The following THADA variants were observed in gnomAD, a reference collection of about 807,000 sequenced individuals.
THADA encodes THADA armadillo repeat containing, also known as tRNA (32-2'-O)-methyltransferase regulator THADA.
Under a neutral mutation model 219.8 loss-of-function variants are expected in THADA, and 213 were observed. That is an observed-to-expected ratio of 0.97 (90% CI 0.87 to 1.09). The LOEUF (loss-of-function observed/expected upper bound fraction) is 1.09, where lower values mean the gene tolerates loss of function less well. Among genes scored for constraint, THADA ranks in the 50% least tolerant of loss-of-function variants. The probability of loss-of-function intolerance (pLI) is 0.00; values close to 1 mark genes in which losing one functional copy is unlikely to be tolerated. For synonymous variants in THADA, 1,018 were observed against 828.9 expected, an observed-to-expected ratio of 1.23 and a Z score of -3.92; for missense variants, 2,956 against 2,311.3, an observed-to-expected ratio of 1.28 and a Z score of -5.72.
chr2:43,260,468 C>T (rs987947812), intron 36 of THADA, among the ~76,000 whole-genome samples: 1 of 152,020 alleles, frequency 6.6e-6, no homozygotes, highest in Non-Finnish European at 1.5e-5. Flanking sequence ...AACTTAATTG[C>T]CTAATATATT....
intron 28 of THADA, 30 bp from the exon 29 acceptor site, chr2:43,398,169 C>A: frequency 1.2e-6 from 2 of 1,604,128 alleles, no homozygotes; most frequent in South Asian, 1.1e-5. Flanking sequence ...CAAGACCATT[C>A]AATAGTCATC....
At chr2:43,432,154 C>A (rs57125350) in intron 26 of THADA, among the ~76,000 whole-genome samples, 1 of 108,622 alleles carries the variant, frequency 9.2e-6, no homozygotes, top group African/African-American at 5.3e-5. Context: ...CCGCGCCCGG[C>A]CAATTTTTTG....
intron 22 of THADA, among the ~76,000 whole-genome samples, chr2:43,513,076 G>A (rs188955881): frequency 1.3e-5 from 2 of 152,218 alleles, no homozygotes; most frequent in Non-Finnish European, 2.9e-5. Flanking sequence ...TACAATCCAA[G>A]GCAATTTACT....
At position 43,344,083 on chromosome 2, in the gene THADA, C is replaced by A. The variant is rs768113379; in HGVS notation, c.4343+39G>T. 3.5e-6 allele frequency: 5 copies of A among 1,425,254 alleles called. No homozygotes were observed. The South Asian group carries it at 4.9e-5, about 14-fold the overall frequency. 88.3% of individuals were successfully genotyped at this position (1,425,254 alleles called of 1,614,324 possible). On this transcript the variant is annotated intron_variant, in intron 30 of 37. Transcript: ENST00000405975. ...CAGCAATTCTCAAATGTATTCCTAACCCCTGATAACTCCTTGCTCATGTGG... is the reference window on the plus strand; with the variant it reads ...CAGCAATTCTCAAATGTATTCCTAAACCCTGATAACTCCTTGCTCATGTGG...
At chr2:43,576,240 TTA>T (rs1370445813) in intron 10 of THADA, among the ~76,000 whole-genome samples, 4 of 152,248 alleles carry the variant, frequency 2.6e-5, no homozygotes, top group Non-Finnish European at 5.9e-5. Context: ...AAAAATTATT[TTA>T]GTTTTCCTCC....
intron 30 of THADA, among the ~76,000 whole-genome samples, chr2:43,321,845 T>C (rs1177329586): frequency 6.6e-6 from 1 of 152,146 alleles, no homozygotes; most frequent in Non-Finnish European, 1.5e-5. Context: ...ACTTCCAACA[T>C]GGGATTAGGG....
At chr2:43,495,886 G>C (rs981057139) in intron 25 of THADA, among the ~76,000 whole-genome samples, 5 of 152,100 alleles carry the variant, frequency 3.3e-5, no homozygotes, top group African/African-American at 7.2e-5. Context: ...AAGTATAAAA[G>C]GTAAACTCTG....
At chr2:43,526,264 G>A (rs1003121637) in intron 22 of THADA, among the ~76,000 whole-genome samples, 7 of 152,106 alleles carry the variant, frequency 4.6e-5, no homozygotes, top group Non-Finnish European at 7.4e-5. Flanking sequence ...TCCATTCTAT[G>A]ATGCCTCCTA....
intron 21 of THADA, among the ~76,000 whole-genome samples, chr2:43,529,800 A>T (rs1241463021): frequency 6.6e-6 from 1 of 152,226 alleles, no homozygotes; most frequent in East Asian, 1.9e-4. Flanking sequence ...CTAGATTAGT[A>T]TTCTGCACAC....
chr2:43,293,751 T>C (rs573022786), intron 31 of THADA, among the ~76,000 whole-genome samples: 11 of 152,330 alleles, frequency 7.2e-5, no homozygotes, highest in African/African-American at 2.2e-4. Flanking sequence ...CTTTAGACAT[T>C]TGATTACAAT....
chr2:43,255,389 T>C (rs1047930704), intron 36 of THADA, among the ~76,000 whole-genome samples: 1 of 152,236 alleles, frequency 6.6e-6, no homozygotes, highest in Non-Finnish European at 1.5e-5. Flanking sequence ...ATTAAGGGAC[T>C]GGAGCTGCTG....
chr2:43,445,768 G>A (rs1288842950), intron 26 of THADA, among the ~76,000 whole-genome samples: 1 of 152,190 alleles, frequency 6.6e-6, no homozygotes, highest in East Asian at 1.9e-4. Context: ...CAAACTCCTG[G>A]GTTCAAGTGA....
At chr2:43,309,826 C>G (rs1677283032) in intron 31 of THADA, among the ~76,000 whole-genome samples, 2 of 152,078 alleles carry the variant, frequency 1.3e-5, no homozygotes, top group Admixed American at 6.5e-5. Flanking sequence ...AAAAGGAGTC[C>G]ACAATAGAAC....
intron 35 of THADA, among the ~76,000 whole-genome samples, chr2:43,284,294 A>T (rs1673721963): frequency 6.6e-6 from 1 of 152,220 alleles, no homozygotes; most frequent in Non-Finnish European, 1.5e-5. Flanking sequence ...GCCTAGGAAG[A>T]AAAAATGGTT....
In THADA at chr2:43,231,306, T is replaced by C. The variant is rs746648119; in HGVS notation, c.5504A>G (p.Asn1835Ser). Reference sequence around the variant, plus strand: ...AAAGATCAGGGTCTCGGCCCAAAAGTTGACTTCTGCTTTTTCAAACAGGTA... The same window carrying C: ...AAAGATCAGGGTCTCGGCCCAAAAGCTGACTTCTGCTTTTTCAAACAGGTA... The part of the protein sequence containing the change: ...EDYLFEKAEV[N>S]FWAETLIFVK... Residue 1835 changes from asparagine to serine, a missense_variant, in exon 38 of 38, where the codon AAC (asparagine) becomes AGC (serine). Physicochemically the swap from Asn to Ser is conservative, Grantham distance 46. Coordinates refer to ENST00000405975, the MANE Select transcript of THADA (RefSeq NM_022065.5). The C allele has an allele frequency of 2.6e-5, 41 of 1,572,568 alleles. No homozygotes were observed. The East Asian group carries it at 3.8e-4, about 15-fold the overall frequency.
At chr2:43,301,512 T>C (rs957931846) in intron 31 of THADA, among the ~76,000 whole-genome samples, 3 of 152,182 alleles carry the variant, frequency 2.0e-5, no homozygotes, top group Non-Finnish European at 2.9e-5. Context: ...ACAGGAACCA[T>C]ATTCCCCTAT....
intron 26 of THADA, among the ~76,000 whole-genome samples, chr2:43,480,138 C>G (rs1686013660): frequency 6.6e-6 from 1 of 152,232 alleles, no homozygotes; most frequent in Non-Finnish European, 1.5e-5. Flanking sequence ...TGTTCTAGTT[C>G]TGCCACTTTC....
chr2:43,574,767 G>A lies in THADA; in HGVS notation c.1298C>T (p.Pro433Leu), dbSNP rs1257322269. The A allele has an allele frequency of 9.3e-6, 15 of 1,614,040 alleles. No individual in the cohort carries two copies. The South Asian group carries it at 1.5e-4, about 17-fold the overall frequency. Residue 433 changes from proline (P) to leucine (L), a missense_variant, in exon 11 of 38, where the codon CCT (proline) becomes CTT (leucine). Transcript: ENST00000405975. ...RLTVEGADFV[P>L]DPFFVELTES... is the part of the protein sequence containing the mutation. ...AGTCAATTCCACAAAGAAAGGATCA[G>A]GGACGAAATCTGCACCTTCCACAGT...
chr2:43,267,618 C>T (rs1011814401), intron 36 of THADA, among the ~76,000 whole-genome samples: 7 of 152,208 alleles, frequency 4.6e-5, no homozygotes, highest in Non-Finnish European at 8.8e-5. Context: ...ATGTGACTTC[C>T]AGGCTGGCCC....
Sources: allele counts gnomAD v4.1 joint callset (sites outside exome capture counted in the v4.1 genomes callset), GRCh38; gene constraint gnomAD v4.1.1; transcripts MANE v1.5; gene names NCBI Gene and HGNC (gene_info 2026-07-23, HGNC 2026-07-21).